The following LRTM1 variants were observed in gnomAD, a reference collection of about 807,000 sequenced individuals.
LRTM1 encodes the protein leucine-rich repeat and transmembrane domain-containing protein 1.
LRTM1 carries 38 observed loss-of-function variants against 32.4 expected under a neutral mutation model. That is an observed-to-expected ratio of 1.17 (90% CI 0.91 to 1.54). The LOEUF (loss-of-function observed/expected upper bound fraction) is 1.54. Among genes scored for constraint, LRTM1 ranks in the 40% most tolerant of loss-of-function variants. The probability of loss-of-function intolerance (pLI) is 0.00; values close to 1 mark genes in which losing one functional copy is unlikely to be tolerated. For missense variants in LRTM1, 466 were observed against 415.4 expected, an observed-to-expected ratio of 1.12 and a Z score of -1.06; for synonymous variants, 186 against 169.9, an observed-to-expected ratio of 1.09 and a Z score of -0.74.
intron 1 of LRTM1, among the ~76,000 whole-genome samples, chr3:54,954,343 G>C (rs765728448): frequency 6.6e-6 from 1 of 152,188 alleles, no homozygotes. Context: ...CTGGGAGGCT[G>C]TCTCCTTTCT....
intron 1 of LRTM1, among the ~76,000 whole-genome samples, chr3:54,948,209 G>C (rs545269726): frequency 1.3e-5 from 2 of 152,144 alleles, no homozygotes; most frequent in African/African-American, 4.8e-5. Flanking sequence ...AGTGAGATAG[G>C]AAACTTTTTG....
intron 1 of LRTM1, among the ~76,000 whole-genome samples, chr3:54,945,179 C>G (rs1474980594): frequency 2.0e-5 from 3 of 152,184 alleles, no homozygotes; most frequent in African/African-American, 7.2e-5. Context: ...AGCCCCTCCT[C>G]CCTCCCTCAT....
intron 1 of LRTM1, among the ~76,000 whole-genome samples, chr3:54,958,668 C>T (rs1701961526): frequency 6.6e-6 from 1 of 152,112 alleles, no homozygotes; most frequent in South Asian, 2.1e-4. Flanking sequence ...TGGCCTTGGT[C>T]CCAGTCCTAA....
At chr3:54,930,628 A>G (rs1701163950), upstream of LRTM1, among the ~76,000 whole-genome samples, 1 of 152,238 alleles carries the variant, frequency 6.6e-6, no homozygotes, top group African/African-American at 2.4e-5. Context: ...TAAATGAAGA[A>G]GCACACTTTC....
chr3:54,949,885 T>G (rs139704246), intron 1 of LRTM1, among the ~76,000 whole-genome samples: 1 of 152,310 alleles, frequency 6.6e-6, no homozygotes, highest in East Asian at 1.9e-4. Context: ...AGTAATTATT[T>G]TTATGAGGCA....
chr3:54,929,292 A>T (rs913181500), upstream of LRTM1, among the ~76,000 whole-genome samples: 3 of 152,186 alleles, frequency 2.0e-5, no homozygotes, highest in African/African-American at 7.2e-5. Context: ...TGTCTTCATA[A>T]GTGTTCACAA....
At position 54,937,903 on chromosome 3, in the gene LRTM1, G is replaced by A. The variant is rs138312839; in HGVS notation, c.-221-12688C>T. On this transcript the variant is annotated intron_variant, in intron 1 of 2. Coordinates refer to the LRTM1 transcript ENST00000493075. ...GGGTGAGAGGCTGGTTGCTGTCCCC[G>A]ACCTCATCTCCCGGTCACTTTATTA... Among the ~76,000 whole-genome samples, 323 of 152,234 alleles carry A rather than the reference G, an allele frequency of 2.1e-3. 5 individuals are homozygous for A. In the East Asian group the frequency reaches 0.045, roughly 21 times the overall value.
intron 1 of LRTM1, among the ~76,000 whole-genome samples, chr3:54,963,605 G>A (rs1402882044): frequency 6.6e-6 from 1 of 152,214 alleles, no homozygotes; most frequent in African/African-American, 2.4e-5. Context: ...TCAGCTGCCT[G>A]TCCCTAGATT....
chr3:54,938,673 C>T (rs1467931701), intron 1 of LRTM1, among the ~76,000 whole-genome samples: 1 of 151,676 alleles, frequency 6.6e-6, no homozygotes, highest in Non-Finnish European at 1.5e-5. Context: ...TCTCCTTGTC[C>T]TGTGACCATG....
chr3:54,961,862 C>T (rs1702036366), intron 1 of LRTM1, among the ~76,000 whole-genome samples: 1 of 152,112 alleles, frequency 6.6e-6, no homozygotes, highest in African/African-American at 2.4e-5. Context: ...AAGGAATTCA[C>T]TTCTTAAAGC....
At chr3:54,924,045 C>T (rs1700938279) in intron 2 of LRTM1, among the ~76,000 whole-genome samples, 1 of 152,226 alleles carries the variant, frequency 6.6e-6, no homozygotes, top group Admixed American at 6.5e-5. Context: ...AGTCCCTCAT[C>T]TTTAATAGTC....
At chr3:54,938,263 A>G (rs1701378915) in intron 1 of LRTM1, among the ~76,000 whole-genome samples, 1 of 152,218 alleles carries the variant, frequency 6.6e-6, no homozygotes, top group South Asian at 2.1e-4. Context: ...GAGTTTGTGT[A>G]TATGTTAGTG....
At chr3:54,931,684 C>G (rs1360867064), upstream of LRTM1, among the ~76,000 whole-genome samples, 1 of 152,188 alleles carries the variant, frequency 6.6e-6, no homozygotes, top group Non-Finnish European at 1.5e-5. Context: ...TATATTCACA[C>G]TGAGATTTCA....
At chr3:54,944,778 T>C (rs1701569479) in intron 1 of LRTM1, among the ~76,000 whole-genome samples, 1 of 152,024 alleles carries the variant, frequency 6.6e-6, no homozygotes, top group Non-Finnish European at 1.5e-5. Context: ...ATAACTTCTT[T>C]TATCTCTGAA....
chr3:54,931,622 G>C (rs1167555662), upstream of LRTM1, among the ~76,000 whole-genome samples: 3 of 152,156 alleles, frequency 2.0e-5, no homozygotes, highest in Non-Finnish European at 4.4e-5. Context: ...CAGGACCCCA[G>C]GTTCCCACAT....
intron 1 of LRTM1, among the ~76,000 whole-genome samples, chr3:54,934,649 C>G (rs1701284576): frequency 6.6e-6 from 1 of 152,170 alleles, no homozygotes; most frequent in East Asian, 1.9e-4. Flanking sequence ...TAAGACTTAG[C>G]CAGGTTCTGT....
At position 54,918,590 on chromosome 3, in the gene LRTM1, T is replaced by C; in HGVS notation, c.907A>G (p.Met303Val). The stretch of plus-strand genomic sequence containing the variant: ...CAGCCATAGATGGCAGCTGCCAACA[T>C]CATGAGACACACAATCCCACACACA... ...GVVCGIVCLM[M>V]LAAAIYGCTY... The change falls in exon 3 of 3, where the codon ATG (methionine) becomes GTG (valine). Residue 303 changes from methionine (M) to valine (V), a missense_variant. By Grantham distance (21) the Met-to-Val change is conservative. Transcript: ENST00000273286. 6.2e-7 allele frequency: 1 copy of C among 1,614,112 alleles called. No homozygotes were observed. Among genetic ancestry groups the C allele is most frequent in the Non-Finnish European group, 8.5e-7 (1 of 1,180,014 alleles).
chr3:54,949,816 ATTCT>A (rs1701711572), intron 1 of LRTM1, among the ~76,000 whole-genome samples: 1 of 152,072 alleles, frequency 6.6e-6, no homozygotes, highest in African/African-American at 2.4e-5. Context: ...TTTGCCTGTG[ATTCT>A]TTCTGAAAAC....
At chr3:54,930,884 G>T (rs1308619776), upstream of LRTM1, among the ~76,000 whole-genome samples, 1 of 152,284 alleles carries the variant, frequency 6.6e-6, no homozygotes, top group Admixed American at 6.5e-5. Flanking sequence ...ATCAGTTGAG[G>T]ACAGGAGTTC....
Sources: gnomAD v4.1 joint callset for allele counts (sites outside exome capture counted in the v4.1 genomes callset) on GRCh38, gnomAD v4.1.1 for gene constraint, MANE v1.5 for transcripts, NCBI Gene and HGNC (gene_info 2026-07-23, HGNC 2026-07-21) for gene names.